CTNNA3: variants seen among roughly 807,000 people sequenced by gnomAD.
CTNNA3 encodes catenin alpha-3.
In CTNNA3, 76 loss-of-function variants were observed where a neutral mutation model predicts 95.7. The ratio of observed to expected loss-of-function variants is 0.79; its 90% CI spans 0.66 to 0.96. CTNNA3 has a LOEUF of 0.96. CTNNA3 is among the 40% of genes least tolerant of loss of function. The pLI is 0.00. For missense variants in CTNNA3, 1,191 were observed against 1,089.8 expected (o/e 1.09, Z -1.31); for synonymous variants, 431 against 374.4 (o/e 1.15, Z -1.74).
intron 11 of CTNNA3, among the ~76,000 whole-genome samples, chr10:66,437,114 C>G (rs941652828): frequency 3.9e-5 from 6 of 152,086 alleles, no homozygotes; most frequent in Non-Finnish European, 7.4e-5. Context: ...TCTGGCTGCT[C>G]TTAACATTTT....
intron 9 of CTNNA3, among the ~76,000 whole-genome samples, chr10:66,678,008 C>T (rs959343928): frequency 6.6e-6 from 1 of 152,094 alleles, no homozygotes; most frequent in Non-Finnish European, 1.5e-5. Context: ...ACTCCTCCTG[C>T]CAAAACCATA....
chr10:66,404,512 G>A (rs1394516038), intron 11 of CTNNA3, among the ~76,000 whole-genome samples: 2 of 152,126 alleles, frequency 1.3e-5, no homozygotes, highest in East Asian at 1.9e-4. Context: ...AAGCGTAACA[G>A]TACTTTTTAA....
intron 15 of CTNNA3, among the ~76,000 whole-genome samples, chr10:66,043,956 CTG>C (rs59559225): frequency 0.17 from 23,995 of 144,260 alleles, 1,837 homozygotes; most frequent in East Asian, 0.26. Context: ...TAGGACTATG[CTG>C]TGTGTGTGTG....
chr10:67,691,340 C>T (rs1164036680), intron 1 of CTNNA3, among the ~76,000 whole-genome samples: 2 of 152,026 alleles, frequency 1.3e-5, no homozygotes, highest in African/African-American at 2.4e-5. Flanking sequence ...GGAGCATCTC[C>T]GCCTGGCCGC....
chr10:66,795,086 A>C lies in CTNNA3; in HGVS notation c.1048-19562T>G, dbSNP rs546630624. ...TGAGGTTTGGAATCAACTTCTTCCA[A>C]ATGCCTAATATAATGTTGATATTTT... On this transcript the variant is annotated intron_variant, in intron 7 of 17. Transcript: ENST00000433211. Among the ~76,000 whole-genome samples, 137 of 152,276 alleles carry C rather than the reference A, an allele frequency of 9.0e-4. 1 individual carries two copies. The highest frequency in any genetic ancestry group is 1.1e-3 in the Non-Finnish European group (74 of 68,026).
intron 8 of CTNNA3, among the ~76,000 whole-genome samples, chr10:66,770,273 C>A (rs940993595): frequency 6.6e-6 from 1 of 152,258 alleles, no homozygotes; most frequent in East Asian, 1.9e-4. Flanking sequence ...GTCATATATA[C>A]CTACATATAA....
intron 1 of CTNNA3, among the ~76,000 whole-genome samples, chr10:67,693,667 T>C (rs1840911775): frequency 6.6e-6 from 1 of 152,226 alleles, no homozygotes; most frequent in Admixed American, 6.5e-5. Context: ...TATTTGATAA[T>C]TCATAACTCT....
chr10:67,563,687 C>G (rs539614545), intron 3 of CTNNA3, among the ~76,000 whole-genome samples: 1 of 152,058 alleles, frequency 6.6e-6, no homozygotes, highest in Non-Finnish European at 1.5e-5. Context: ...AAAGAAACTA[C>G]CATCAGAGTG....
At chr10:65,945,169 T>C (rs2077497531) in intron 17 of CTNNA3, among the ~76,000 whole-genome samples, 1 of 151,904 alleles carries the variant, frequency 6.6e-6, no homozygotes, top group African/African-American at 2.4e-5. Context: ...TGTATATATA[T>C]ATATATAGTG....
chr10:66,398,277 C>G (rs547144155), intron 11 of CTNNA3, among the ~76,000 whole-genome samples: 50 of 151,974 alleles, frequency 3.3e-4, no homozygotes, highest in African/African-American at 1.1e-3. Context: ...AAAATCTTCC[C>G]TGTTAAAGAT....
intron 11 of CTNNA3, among the ~76,000 whole-genome samples, chr10:66,397,803 C>A (rs746908429): frequency 6.6e-6 from 1 of 151,778 alleles, no homozygotes; most frequent in Non-Finnish European, 1.5e-5. Context: ...GCATTATGTA[C>A]CGTGAGTTGT....
chr10:67,054,711 T>C (rs1353475390), intron 7 of CTNNA3: 3 of 152,156 alleles, frequency 2.0e-5, no homozygotes, highest in Non-Finnish European at 4.4e-5. Flanking sequence ...CACTTACTCT[T>C]GTTTCTATAC....
intron 11 of CTNNA3, among the ~76,000 whole-genome samples, chr10:66,437,234 T>A (rs1253003116): frequency 6.6e-6 from 1 of 152,184 alleles, no homozygotes; most frequent in Non-Finnish European, 1.5e-5. Flanking sequence ...AATGTTGGCC[T>A]GCCTTGCTAG....
chr10:66,946,586 A>G (rs1848286712), intron 7 of CTNNA3, among the ~76,000 whole-genome samples: 1 of 152,110 alleles, frequency 6.6e-6, no homozygotes, highest in Non-Finnish European at 1.5e-5. Context: ...TACCTGTAAC[A>G]GCATAGGGTA....
At chr10:65,943,556 G>A (rs1422590130) in intron 17 of CTNNA3, among the ~76,000 whole-genome samples, 4 of 152,150 alleles carry the variant, frequency 2.6e-5, no homozygotes, top group African/African-American at 4.8e-5. Flanking sequence ...ATGGTAGGGC[G>A]TGGACACAAA....
At chr10:66,108,721 T>A (rs577618236) in intron 13 of CTNNA3, among the ~76,000 whole-genome samples, 24 of 152,258 alleles carry the variant, frequency 1.6e-4, no homozygotes, top group Non-Finnish European at 3.2e-4. Context: ...TGGCACATAG[T>A]ATGTCTCAAT....
At chr10:66,998,583 C>T (rs1259266813) in intron 7 of CTNNA3, among the ~76,000 whole-genome samples, 2 of 151,984 alleles carry the variant, frequency 1.3e-5, no homozygotes, top group Non-Finnish European at 2.9e-5. Flanking sequence ...AAGTGAGACA[C>T]TTGTAGAGAG....
chr10:66,141,859 C>T (rs1023004341), intron 13 of CTNNA3, among the ~76,000 whole-genome samples: 1 of 152,148 alleles, frequency 6.6e-6, no homozygotes, highest in African/African-American at 2.4e-5. Context: ...AATGTGTATT[C>T]TGAGGCAGAT....
chr10:65,985,479 G>A (rs942727411), intron 16 of CTNNA3, among the ~76,000 whole-genome samples: 10 of 151,096 alleles, frequency 6.6e-5, no homozygotes, highest in Admixed American at 2.0e-4. Context: ...CTAAAAAAAG[G>A]AAACTAAAAT....
Sources: allele counts gnomAD v4.1 joint callset (sites outside exome capture counted in the v4.1 genomes callset), GRCh38; gene constraint gnomAD v4.1.1; transcripts MANE v1.5; gene names NCBI Gene and HGNC (gene_info 2026-07-23, HGNC 2026-07-21).